Variants in TLN2 observed in about 807,000 individuals in gnomAD.
The protein encoded by TLN2 is talin-2.
In TLN2, 118 loss-of-function variants were observed where a neutral mutation model predicts 294.7. That is an observed-to-expected ratio of 0.40 (90% CI 0.34 to 0.47). TLN2 has a LOEUF of 0.47. Among genes scored for constraint, TLN2 ranks in the 20% least tolerant of loss-of-function variants. The pLI, the probability that TLN2 is intolerant of heterozygous loss-of-function variation, is 0.84. For synonymous variants in TLN2, 1,431 were observed against 1,304.5 expected (o/e 1.10, Z -2.09); for missense variants, 3,083 against 3,282.2 (o/e 0.94, Z 1.48).
At chr15:62,658,171 G>A (rs1448504960) in intron 9 of TLN2, 4 of 96,376 alleles carry the variant, frequency 4.2e-5, no homozygotes, top group African/African-American at 3.3e-5. Context: ...GAAGAGGAAA[G>A]TAAAAAAAAA....
chr15:62,607,206 G>A (rs1231066541), intron 2 of TLN2, among the ~76,000 whole-genome samples: 1 of 152,068 alleles, frequency 6.6e-6, no homozygotes, highest in Non-Finnish European at 1.5e-5. Context: ...TTCCTCTGGG[G>A]AAAAGATCTC....
chr15:62,537,502 A>G (rs2041429181), intron 1 of TLN2, among the ~76,000 whole-genome samples: 1 of 152,208 alleles, frequency 6.6e-6, no homozygotes, highest in South Asian at 2.1e-4. Context: ...GCCATAAAGT[A>G]TCTAAAACAC....
At chr15:62,658,184 C>CA in intron 9 of TLN2, 1 of 59,974 alleles carries the variant, frequency 1.7e-5, no homozygotes, top group Non-Finnish European at 4.7e-5. Flanking sequence ...AAAAAAAAAA[C>CA]CAAAAAAAAA....
chr15:62,665,494 CT>C (rs1212094702), intron 9 of TLN2, among the ~76,000 whole-genome samples: 1 of 152,192 alleles, frequency 6.6e-6, no homozygotes, highest in Non-Finnish European at 1.5e-5. Flanking sequence ...TTCCATGAGT[CT>C]GCGTGTTACG....
chr15:62,756,704 T>G (rs898693001), intron 37 of TLN2, among the ~76,000 whole-genome samples: 11 of 152,062 alleles, frequency 7.2e-5, no homozygotes, highest in Non-Finnish European at 1.3e-4. Flanking sequence ...CTCCAGAGGA[T>G]AGGACACTGC....
chr15:62,690,367 A>T (rs1350613243), intron 12 of TLN2: 1 of 149,638 alleles, frequency 6.7e-6, no homozygotes, highest in Non-Finnish European at 1.4e-5. Flanking sequence ...CTCACCTCCC[A>T]GACGGGGCGG....
At chr15:62,686,366 A>G (rs996271442) in intron 11 of TLN2, among the ~76,000 whole-genome samples, 4 of 152,122 alleles carry the variant, frequency 2.6e-5, no homozygotes, top group African/African-American at 9.7e-5. Context: ...GTTCTATCCC[A>G]TCTTTCTGGC....
intron 32 of TLN2, among the ~76,000 whole-genome samples, chr15:62,744,207 G>A (rs1000546646): frequency 7.9e-5 from 12 of 151,918 alleles, no homozygotes; most frequent in East Asian, 1.9e-4. Flanking sequence ...ATTTTCTTCC[G>A]GCTCCCTGCG....
intron 26 of TLN2, among the ~76,000 whole-genome samples, chr15:62,722,970 G>C (rs2060236626): frequency 6.6e-6 from 1 of 152,248 alleles, no homozygotes; most frequent in Admixed American, 6.5e-5. Flanking sequence ...TATTGCGTGG[G>C]AGCATTCACC....
rs369132735 is a variant in TLN2 at position 62,488,975 on chromosome 15, A to G, written c.-238+98290A>G. ...CAGGAGTCCAAGACCAGCCTGGCCA[A>G]TATGGTGAAACCCCGTCTCTACTAA... On this transcript the variant is annotated intron_variant, in intron 1 of 58. Coordinates refer to ENST00000636159, the MANE Select transcript of TLN2 (RefSeq NM_015059.3). Among the ~76,000 whole-genome samples, 7 of 152,324 alleles carry G rather than the reference A, an allele frequency of 4.6e-5. No homozygotes were observed. In the East Asian group the frequency reaches 9.6e-4, roughly 21 times the overall value.
chr15:62,444,184 T>C lies in TLN2; in HGVS notation c.-238+53499T>C, dbSNP rs147645478. Among the ~76,000 whole-genome samples, 96 of 152,100 alleles carry C rather than the reference T, an allele frequency of 6.3e-4. 2 individuals are homozygous for C. The East Asian group carries it at 0.012, about 19-fold the overall frequency. ...AGGGAGAAGGCAGGCCAGGGAAATA[T>C]TGAGGAGGAGGGTGAGGCTAGTAAT... On this transcript the variant is annotated intron_variant, in intron 1 of 58. Coordinates refer to ENST00000636159, the MANE Select transcript of TLN2 (RefSeq NM_015059.3).
At chr15:62,498,723 C>G (rs2039147960) in intron 1 of TLN2, among the ~76,000 whole-genome samples, 1 of 141,758 alleles carries the variant, frequency 7.1e-6, no homozygotes, top group Non-Finnish European at 1.5e-5. Context: ...ACAAAATTTG[C>G]TTCTTAGGAG....
At chr15:62,477,289 T>TGTA (rs2037831007) in intron 1 of TLN2, among the ~76,000 whole-genome samples, 3 of 152,240 alleles carry the variant, frequency 2.0e-5, no homozygotes, top group African/African-American at 7.2e-5. Context: ...TGCTGCTGCC[T>TGTA]TCTAGACCAC....
chr15:62,806,274 G>C (rs768686440), intron 51 of TLN2, among the ~76,000 whole-genome samples: 4 of 152,200 alleles, frequency 2.6e-5, no homozygotes, highest in Non-Finnish European at 4.4e-5. Flanking sequence ...TTGTGTTTGA[G>C]AGGGGATGGA....
At chr15:62,833,856 T>TC in intron 55 of TLN2, 1 of 491,626 alleles carries the variant, frequency 2.0e-6, no homozygotes, top group East Asian at 3.4e-5. Context: ...AAGGAAAGCA[T>TC]CCCATTCCAG....
At chr15:62,462,746 A>G (rs571594284) in intron 1 of TLN2, among the ~76,000 whole-genome samples, 81 of 152,274 alleles carry the variant, frequency 5.3e-4, no homozygotes, top group African/African-American at 1.8e-3. Flanking sequence ...AACCAGAACC[A>G]GTGTGGTGTG....
chr15:62,463,666 A>C (rs1231642862), intron 1 of TLN2, among the ~76,000 whole-genome samples: 5 of 152,188 alleles, frequency 3.3e-5, no homozygotes, highest in African/African-American at 1.2e-4. Context: ...TGGATGGATC[A>C]CGAGGTCAGG....
chr15:62,710,720 C>CTTTTTTTTTTT (rs71287048), intron 21 of TLN2, among the ~76,000 whole-genome samples: 8 of 77,068 alleles, frequency 1.0e-4, no homozygotes, highest in Non-Finnish European at 1.2e-4. Context: ...TGCTGATGTC[C>CTTTTTTTTTTT]TTTTTTTTTT....
intron 25 of TLN2, among the ~76,000 whole-genome samples, chr15:62,720,279 C>T (rs1480417125): frequency 6.6e-6 from 1 of 152,098 alleles, no homozygotes; most frequent in Non-Finnish European, 1.5e-5. Context: ...TGCGTCTTCT[C>T]CAAAGATATG....
Sources: allele counts gnomAD v4.1 joint callset (sites outside exome capture counted in the v4.1 genomes callset), GRCh38; gene constraint gnomAD v4.1.1; transcripts MANE v1.5; gene names NCBI Gene and HGNC (gene_info 2026-07-23, HGNC 2026-07-21).